Variants in LMX1B observed in about 807,000 individuals in gnomAD.
LMX1B encodes LIM homeobox transcription factor 1-beta.
In LMX1B, 12 loss-of-function variants were observed where a neutral mutation model predicts 51.4. That is an observed-to-expected ratio of 0.23 (90% CI 0.15 to 0.38). The LOEUF (loss-of-function observed/expected upper bound fraction) is 0.38, where lower values mean the gene tolerates loss of function less well. Among genes scored for constraint, LMX1B ranks in the 10% least tolerant of loss-of-function variants. The pLI is 1.00. For synonymous variants in LMX1B, 237 were observed against 235.4 expected, an observed-to-expected ratio of 1.01 and a Z score of -0.06; for missense variants, 445 against 571.1, an observed-to-expected ratio of 0.78 and a Z score of 2.25.
intron 2 of LMX1B, among the ~76,000 whole-genome samples, chr9:126,627,645 C>T (rs1714582659): frequency 6.6e-6 from 1 of 152,066 alleles, no homozygotes; most frequent in African/African-American, 2.4e-5. Context: ...GGCCTGATTT[C>T]CAGGGCCTGG....
intron 2 of LMX1B, among the ~76,000 whole-genome samples, chr9:126,672,206 C>T (rs1836471605): frequency 6.6e-6 from 1 of 152,252 alleles, no homozygotes; most frequent in South Asian, 2.1e-4. Context: ...GAGCAAGGCA[C>T]TCAGTAGTAC....
rs543325544 is a variant in LMX1B at position 126,652,304 on chromosome 9, G to C, written c.326+36735G>C. 2.3e-3 allele frequency among the ~76,000 whole-genome samples: 335 copies of C among 148,824 alleles called. 7 individuals carry two copies. The highest frequency in any genetic ancestry group is 7.8e-3 in the African/African-American group (317 of 40,764). On this transcript the variant is annotated intron_variant, in intron 2 of 7. Transcript: ENST00000373474. ...GGAGTCTGAGGAGGAGAAGGGGGGGGGGATTTTCTCTTTCTTCCCGGCCTG... is the reference window on the plus strand; with the variant it reads ...GGAGTCTGAGGAGGAGAAGGGGGGGCGGATTTTCTCTTTCTTCCCGGCCTG...
chr9:126,666,459 G>A (rs542068831), intron 2 of LMX1B, among the ~76,000 whole-genome samples: 58 of 152,210 alleles, frequency 3.8e-4, no homozygotes, highest in African/African-American at 1.3e-3. Context: ...ATCCATTTCT[G>A]GAAAGAGGAA....
rs1392801831 is a variant in LMX1B at position 126,626,409 on chromosome 9, G to A, written c.326+10840G>A. Among the ~76,000 whole-genome samples the A allele has an allele frequency of 6.6e-6, 1 of 152,202 alleles. No individual in the cohort carries two copies. The highest frequency in any genetic ancestry group is 1.9e-4 in the East Asian group (1 of 5,172). On this transcript the variant is annotated intron_variant, in intron 2 of 7. Coordinates refer to ENST00000373474, the MANE Select transcript of LMX1B (RefSeq NM_001174147.2). The surrounding 1 kb of genome is among the most constrained non-coding windows in gnomAD (Gnocchi z 4.3). Reference sequence around the variant, plus strand: ...AGCTCCGATGGAGGAAACCCTTTCCGGGCAGGACGAGTAGAGGGACAGGAC... The same window carrying A: ...AGCTCCGATGGAGGAAACCCTTTCCAGGCAGGACGAGTAGAGGGACAGGAC...
chr9:126,653,142 C>CTTTTTTTTT (rs5900715), intron 2 of LMX1B, among the ~76,000 whole-genome samples: 2 of 55,394 alleles, frequency 3.6e-5, no homozygotes, highest in African/African-American at 1.4e-4. Flanking sequence ...CAAGTAGATG[C>CTTTTTTTTT]TTTTTTTTTT....
In LMX1B at chr9:126,615,716, T is replaced by A; in HGVS notation, c.326+147T>A. 1.4e-6 allele frequency: 1 copy of A among 724,692 alleles called. No individual in the cohort carries two copies. The highest frequency in any genetic ancestry group is 2.2e-5 in the South Asian group (1 of 45,992). The allele number at this position is 724,692 out of a possible 1,614,324, so 44.9% of individuals were successfully genotyped here. A position where few individuals can be genotyped will look rare whatever the true frequency, so the allele number is the denominator to read the frequency against. ...CCAAGGGTTCCGAGAGCTGCGCGTC[T>A]TGGGGCTGGGGCGGACCAGCCCAGC... On this transcript the variant is annotated intron_variant, in intron 2 of 7. Transcript: ENST00000373474. This position sits in a 1 kb window ranked among gnomAD's most constrained non-coding sequence, Gnocchi z 6.0.
chr9:126,693,180 A>C lies in LMX1B; in HGVS notation c.598A>C (p.Lys200Gln). The C allele has an allele frequency of 2.5e-6, 4 of 1,601,740 alleles. No homozygotes were observed. The highest frequency in any genetic ancestry group is 3.4e-6 in the Non-Finnish European group (4 of 1,174,728). The change falls in exon 4 of 8, where the codon AAG becomes CAG. Residue 200 changes from lysine to glutamine, a missense_variant. Lys to Gln is a moderately conservative substitution (Grantham distance 53, BLOSUM62 1). This residue lies in a region of LMX1B where 273 missense variants were observed against 343.3 expected (regional missense o/e 0.80). Coordinates refer to ENST00000373474, the MANE Select transcript of LMX1B (RefSeq NM_001174147.2). Reference protein sequence around the residue: ...EDEDGDMKPAKGQGSQSKGSG... With the variant: ...EDEDGDMKPAQGQGSQSKGSG... ...TGAAGATGGGGACATGAAGCCGGCC[A>C]AGGGGCAGGGCAGTCAGAGCAAGGG...
At chr9:126,672,001 G>C (rs998571677) in intron 2 of LMX1B, among the ~76,000 whole-genome samples, 2 of 152,232 alleles carry the variant, frequency 1.3e-5, no homozygotes, top group Non-Finnish European at 2.9e-5. Context: ...AGCTGTGGCC[G>C]TGATGGGACC....
chr9:126,623,320 G>T (rs1423293314), intron 2 of LMX1B, among the ~76,000 whole-genome samples: 1 of 152,186 alleles, frequency 6.6e-6, no homozygotes, highest in Non-Finnish European at 1.5e-5. Flanking sequence ...TTTTTTCCAA[G>T]AGACTCCTGA....
In LMX1B at chr9:126,695,969, G is replaced by T. The variant is rs549494538; in HGVS notation, c.1017G>T (p.Pro339=). The change falls in exon 7 of 8, where the codon CCG becomes CCT. Residue 339 remains proline (P), a synonymous_variant. Transcript: ENST00000373474. This position sits in a 1 kb window ranked among gnomAD's most constrained non-coding sequence, Gnocchi z 5.2. ...SSDPFQQGLT[P]PQMPGDHMNP... ...ACCCCTTCCAGCAGGGCCTCACGCC[G>T]CCCCAAATGCCAGGTGACCACATGA... is the stretch of plus-strand genomic sequence containing the variant. 3 of 1,611,970 alleles carry T rather than the reference G, an allele frequency of 1.9e-6. No individual in the cohort carries two copies. In the South Asian group the frequency reaches 3.3e-5, roughly 18 times the overall value.
intron 2 of LMX1B, among the ~76,000 whole-genome samples, chr9:126,681,164 G>C (rs1277283262): frequency 6.6e-6 from 1 of 152,194 alleles, no homozygotes; most frequent in Non-Finnish European, 1.5e-5. Flanking sequence ...GTCTGTGTAA[G>C]TGTATCTGTG....
intron 2 of LMX1B, among the ~76,000 whole-genome samples, chr9:126,687,217 C>T (rs1564167260): frequency 1.3e-5 from 2 of 148,358 alleles, no homozygotes; most frequent in Admixed American, 1.3e-4. Flanking sequence ...TGATCATTCC[C>T]TTTTTTTTTT....
chr9:126,671,220 G>C lies in LMX1B; in HGVS notation c.327-19616G>C, dbSNP rs552046586. On this transcript the variant is annotated intron_variant, in intron 2 of 7. Transcript: ENST00000373474. This position sits in a 1 kb window ranked among gnomAD's most constrained non-coding sequence, Gnocchi z 4.4. The stretch of plus-strand genomic sequence containing the variant: ...TCGCCACCGCCGAGCTCTGAGCTGG[G>C]GGGAGGGGACCCCGCTCGGAAATCG... Among the ~76,000 whole-genome samples, 1 of 152,210 alleles carries C rather than the reference G, an allele frequency of 6.6e-6. No homozygotes were observed. Among genetic ancestry groups the C allele is most frequent in the Non-Finnish European group, 1.5e-5 (1 of 68,038 alleles).
intron 2 of LMX1B, among the ~76,000 whole-genome samples, chr9:126,639,797 G>T (rs1402818195): frequency 1.3e-5 from 2 of 152,206 alleles, no homozygotes; most frequent in Non-Finnish European, 2.9e-5. Context: ...CGGTTTATTT[G>T]GTTGGCCTGT....
rs1260219134 is a variant in LMX1B, at chr9:126,613,976, A to G, written c.-474A>G. Among the ~76,000 whole-genome samples, 5 of 144,268 alleles carry G rather than the reference A, an allele frequency of 3.5e-5. No homozygotes were observed. Among genetic ancestry groups the G allele is most frequent in the African/African-American group, 1.2e-4 (5 of 40,102 alleles). 94.6% of individuals were successfully genotyped at this position (144,268 alleles called of 152,430 possible). On this transcript the variant is annotated 5_prime_UTR_variant, in exon 1 of 8. Transcript: ENST00000373474. This position sits in a 1 kb window ranked among gnomAD's most constrained non-coding sequence, Gnocchi z 4.5. ...CTCAGCGGGCGCACCATGGCACTGG[A>G]GTAGCGCGGGGAGCGCGCCCGGAGC...
At chr9:126,616,211 T>C (rs1157951293) in intron 2 of LMX1B, among the ~76,000 whole-genome samples, 1 of 152,242 alleles carries the variant, frequency 6.6e-6, no homozygotes, top group Non-Finnish European at 1.5e-5. Context: ...CAAGTTACAA[T>C]TTGGGGCTCC....
At chr9:126,696,109 C>A in intron 7 of LMX1B, 106 bp downstream of exon 7, 1 of 1,210,262 alleles carries the variant, frequency 8.3e-7, no homozygotes, top group Non-Finnish European at 1.2e-6. Context: ...AGGGCTCAGG[C>A]AGCATGGCCA....
chr9:126,652,450 G>A (rs1227455293), intron 2 of LMX1B, among the ~76,000 whole-genome samples: 1 of 152,254 alleles, frequency 6.6e-6, no homozygotes, highest in Non-Finnish European at 1.5e-5. Context: ...TGGGGGTGCG[G>A]CCGCATGGGC....
intron 2 of LMX1B, among the ~76,000 whole-genome samples, chr9:126,657,062 C>CA (rs1328324482): frequency 6.6e-6 from 1 of 152,254 alleles, no homozygotes; most frequent in Non-Finnish European, 1.5e-5. Context: ...GGTCACCTAA[C>CA]ACTTGCCTGG....
Sources: allele counts gnomAD v4.1 joint callset (sites outside exome capture counted in the v4.1 genomes callset), GRCh38; gene constraint gnomAD v4.1.1; regional missense constraint gnomAD v4.1.1; non-coding constraint Gnocchi (gnomAD v3.1); transcripts MANE v1.5; gene names NCBI Gene and HGNC (gene_info 2026-07-23, HGNC 2026-07-21).